PARP8: variants seen among roughly 807,000 people sequenced by gnomAD.
The protein encoded by PARP8 is poly(ADP-ribose) polymerase family member 8.
A neutral mutation model predicts 124.1 loss-of-function variants in PARP8; 51 were observed. The ratio of observed to expected loss-of-function variants is 0.41; its 90% CI spans 0.33 to 0.52. The LOEUF is 0.52. Among genes scored for constraint, PARP8 ranks in the 20% least tolerant of loss-of-function variants. The pLI, the probability that PARP8 is intolerant of heterozygous loss-of-function variation, is 0.21. For missense variants in PARP8, 860 were observed against 1,018.9 expected (o/e 0.84, Z 2.12); for synonymous variants, 391 against 361.5 (o/e 1.08, Z -0.93).
chr5:50,671,753 G>C (rs1750047984), intron 2 of PARP8, among the ~76,000 whole-genome samples: 1 of 151,988 alleles, frequency 6.6e-6, no homozygotes. Flanking sequence ...ACTAAAGAAT[G>C]TTTATTAAGT....
intron 2 of PARP8, among the ~76,000 whole-genome samples, chr5:50,702,858 C>T (rs1204163443): frequency 1.3e-5 from 2 of 152,168 alleles, no homozygotes; most frequent in East Asian, 3.8e-4. Context: ...TTTAATTCTC[C>T]TATCGTTCCT....
intron 2 of PARP8, among the ~76,000 whole-genome samples, chr5:50,691,360 T>G (rs1752480013): frequency 6.6e-6 from 1 of 152,156 alleles, no homozygotes; most frequent in Admixed American, 6.6e-5. Context: ...GCAGCTTTCA[T>G]TTTACTTCAC....
At chr5:50,719,810 A>G (rs1755691955) in intron 2 of PARP8, among the ~76,000 whole-genome samples, 2 of 152,202 alleles carry the variant, frequency 1.3e-5, no homozygotes, top group Non-Finnish European at 2.9e-5. Context: ...AAATATTTTC[A>G]CAGCTTCTCC....
chr5:50,667,684 C>T (rs1749491681), intron 1 of PARP8: 2 of 699,860 alleles, frequency 2.9e-6, no homozygotes, highest in Admixed American at 2.0e-5. Context: ...TAGTCCCCTC[C>T]GACTGGCAAA....
Position 50,746,729 on chromosome 5 carries a change from C to A in PARP8, c.147-3422C>A, listed in dbSNP as rs12515535. 5.5e-3 allele frequency among the ~76,000 whole-genome samples: 835 copies of A among 152,106 alleles called. 24 individuals carry two copies. The highest frequency in any genetic ancestry group is 0.049 in the Admixed American group (746 of 15,292). On this transcript the variant is annotated intron_variant, in intron 2 of 25. Transcript: ENST00000281631. ...ACAATGTTTGGCTCATACCAGGTTA[C>A]CAAAAAGTGTTCCTTGAATTAAAAC...
intron 2 of PARP8, among the ~76,000 whole-genome samples, chr5:50,712,696 A>G (rs1017374432): frequency 3.3e-5 from 5 of 152,112 alleles, no homozygotes; most frequent in African/African-American, 1.2e-4. Flanking sequence ...ATTATAGTAT[A>G]ATGTCATAAG....
chr5:50,717,684 G>A (rs967081366), intron 2 of PARP8, among the ~76,000 whole-genome samples: 12 of 152,034 alleles, frequency 7.9e-5, no homozygotes, highest in African/African-American at 2.9e-4. Context: ...ACTAAGGAAG[G>A]ACCATAGGCA....
rs187015048 is a variant in PARP8, at chr5:50,804,729, T to G, written c.1575+7496T>G. On this transcript the variant is annotated intron_variant, in intron 14 of 25. Coordinates refer to ENST00000281631, the MANE Select transcript of PARP8 (RefSeq NM_024615.4). ...TTCTAGAACAGCGGTTGACTGAAGATTCATTTGATGAATCTGATTTTTCAG... is the reference window on the plus strand; with the variant it reads ...TTCTAGAACAGCGGTTGACTGAAGAGTCATTTGATGAATCTGATTTTTCAG... Among the ~76,000 whole-genome samples the G allele has an allele frequency of 1.9e-4, 29 of 152,256 alleles. 1 individual carries two copies. The East Asian group carries it at 5.6e-3, about 29-fold the overall frequency.
chr5:50,693,563 C>T (rs1042611212), intron 2 of PARP8, among the ~76,000 whole-genome samples: 1 of 151,236 alleles, frequency 6.6e-6, no homozygotes, highest in Non-Finnish European at 1.5e-5. Flanking sequence ...TATGACAATG[C>T]AGAAGGATAT....
intron 1 of PARP8, 59 bp from the exon 2 acceptor site, chr5:50,668,012 G>T: frequency 6.2e-7 from 1 of 1,610,714 alleles, no homozygotes. Flanking sequence ...CTCAAGTCCT[G>T]ATCGGGGTTA....
At chr5:50,812,415 C>A (rs560930261) in intron 14 of PARP8, among the ~76,000 whole-genome samples, 1 of 152,152 alleles carries the variant, frequency 6.6e-6, no homozygotes, top group African/African-American at 2.4e-5. Flanking sequence ...CTGTTCGTAT[C>A]CTTCGCCCAC....
Position 50,739,124 on chromosome 5 carries a change from G to A in PARP8, c.147-11027G>A, listed in dbSNP as rs1324552821. The A allele has an allele frequency of 4.3e-6, 3 of 701,096 alleles. No homozygotes were observed. In the African/African-American group the frequency reaches 5.2e-5, roughly 12 times the overall value. The allele number at this position is 701,096 out of a possible 1,614,324, so 43.4% of individuals were successfully genotyped here. A position where few individuals can be genotyped will look rare whatever the true frequency, so the allele number is the denominator to read the frequency against. ...AGTCCCAAGCTCTACTCTGAATGGA[G>A]CACCCTGAACCAACAACCATTGAGG... On this transcript the variant is annotated intron_variant, in intron 2 of 25. Coordinates refer to ENST00000281631, the MANE Select transcript of PARP8 (RefSeq NM_024615.4).
chr5:50,690,625 T>C (rs1220893827), intron 2 of PARP8, among the ~76,000 whole-genome samples: 2 of 152,178 alleles, frequency 1.3e-5, no homozygotes, highest in African/African-American at 4.8e-5. Flanking sequence ...CTTTGTTCTT[T>C]TATTCTTTTA....
chr5:50,724,877 A>G (rs942868345), intron 2 of PARP8, among the ~76,000 whole-genome samples: 4 of 151,826 alleles, frequency 2.6e-5, no homozygotes, highest in Admixed American at 1.3e-4. Context: ...CTGAGTCTCA[A>G]AAGTCCATTA....
rs558874235 is a variant in PARP8 at position 50,759,670 on chromosome 5, A to C, written c.212A>C (p.Asn71Thr). 6.4e-7 allele frequency: 1 copy of C among 1,573,522 alleles called. No homozygotes were observed. The highest frequency in any genetic ancestry group is 8.6e-7 in the Non-Finnish European group (1 of 1,165,592). The change falls in exon 4 of 26, where the codon AAT becomes ACT. Residue 71 changes from asparagine to threonine, a missense_variant. Asn to Thr is a moderately conservative substitution (Grantham distance 65). This residue lies in a region of PARP8 where 517 missense variants were observed against 544.2 expected (regional missense o/e 0.95). Transcript: ENST00000281631. ...PDNTYVSSSE[N>T]DEDVLVTTEP... ...AATACATATGTGTCAAGTTCAGAGA[A>C]TGATGAAGATGTGCTAGTTACTACA...
intron 3 of PARP8, among the ~76,000 whole-genome samples, chr5:50,759,276 C>T (rs958721607): frequency 6.6e-6 from 1 of 152,130 alleles, no homozygotes; most frequent in South Asian, 2.1e-4. Flanking sequence ...TCTCTCTCCA[C>T]TCACTAACCC....
chr5:50,800,726 A>G (rs1206081320), intron 14 of PARP8, among the ~76,000 whole-genome samples: 1 of 149,466 alleles, frequency 6.7e-6, no homozygotes, highest in Non-Finnish European at 1.5e-5. Flanking sequence ...TGCACTAACA[A>G]CTATCTGGGC....
At chr5:50,814,298 G>T (rs10054381) in intron 14 of PARP8, among the ~76,000 whole-genome samples, 36 of 152,078 alleles carry the variant, frequency 2.4e-4, no homozygotes, top group African/African-American at 8.0e-4. Flanking sequence ...CAAAAAAATT[G>T]GAGAAGATTA....
intron 2 of PARP8, among the ~76,000 whole-genome samples, chr5:50,722,216 T>A (rs1158091304): frequency 6.6e-6 from 1 of 152,152 alleles, no homozygotes; most frequent in African/African-American, 2.4e-5. Context: ...CATTCATTTC[T>A]CATTTGTGTC....
Sources: gnomAD v4.1 joint callset for allele counts (sites outside exome capture counted in the v4.1 genomes callset) on GRCh38, gnomAD v4.1.1 for gene constraint, gnomAD v4.1.1 regional missense constraint, MANE v1.5 for transcripts, NCBI Gene and HGNC (gene_info 2026-07-23, HGNC 2026-07-21) for gene names.